The following LMX1B variants were observed in gnomAD, a reference collection of about 807,000 sequenced individuals.
LMX1B encodes the protein LIM homeobox transcription factor 1 beta.
In LMX1B, 12 loss-of-function variants were observed where a neutral mutation model predicts 51.4. The observed-to-expected ratio is 0.23, with a 90% confidence interval of 0.15 to 0.38. The LOEUF (loss-of-function observed/expected upper bound fraction) is 0.38, where lower values mean the gene tolerates loss of function less well. Among genes scored for constraint, LMX1B ranks in the 10% least tolerant of loss-of-function variants. LMX1B has a pLI of 1.00. For synonymous variants in LMX1B, 237 were observed against 235.4 expected, an observed-to-expected ratio of 1.01 and a Z score of -0.06; for missense variants, 445 against 571.1, an observed-to-expected ratio of 0.78 and a Z score of 2.25.
At chr9:126,624,650 G>A (rs1835484581) in intron 2 of LMX1B, among the ~76,000 whole-genome samples, 1 of 130,072 alleles carries the variant, frequency 7.7e-6, no homozygotes, top group African/African-American at 2.9e-5. Context: ...GCGAGTGGCA[G>A]GTTTTTTTTT....
intron 2 of LMX1B, among the ~76,000 whole-genome samples, chr9:126,632,982 C>A (rs943103179): frequency 6.6e-6 from 1 of 152,256 alleles, no homozygotes; most frequent in Non-Finnish European, 1.5e-5. Context: ...CCCCAGCTCA[C>A]CTGCCATTCC....
intron 2 of LMX1B, among the ~76,000 whole-genome samples, chr9:126,679,221 G>A (rs1416591574): frequency 1.3e-5 from 2 of 150,262 alleles, no homozygotes; most frequent in Non-Finnish European, 2.9e-5. Flanking sequence ...GCCCTTTCAG[G>A]AGGAACTGAG....
chr9:126,677,009 G>A lies in LMX1B; in HGVS notation c.327-13827G>A, dbSNP rs1836576109. Among the ~76,000 whole-genome samples, 2 of 152,206 alleles carry A rather than the reference G, an allele frequency of 1.3e-5. No homozygotes were observed. The highest frequency in any genetic ancestry group is 1.9e-4 in the East Asian group (1 of 5,196). ...ACTATGCTAATGCGGCCGGGCGGGC[G>A]GTGATTAAGCGGCTCAGGCAGGCAG... On this transcript the variant is annotated intron_variant, in intron 2 of 7. Coordinates refer to ENST00000373474, the MANE Select transcript of LMX1B (RefSeq NM_001174147.2). This position sits in a 1 kb window ranked among gnomAD's most constrained non-coding sequence, Gnocchi z 5.0.
intron 2 of LMX1B, among the ~76,000 whole-genome samples, chr9:126,666,108 T>C (rs1836338922): frequency 6.6e-6 from 1 of 152,200 alleles, no homozygotes. Context: ...CGGCCTATTT[T>C]ACAGATGGGA....
rs1835807644 is a variant in LMX1B at position 126,641,494 on chromosome 9, T to C, written c.326+25925T>C. 6.6e-6 allele frequency among the ~76,000 whole-genome samples: 1 copy of C among 152,156 alleles called. No individual in the cohort carries two copies. Among genetic ancestry groups the C allele is most frequent in the Non-Finnish European group, 1.5e-5 (1 of 68,026 alleles). ...CATGTCTGCATATCTTCATGGGCCC[T>C]GCACTTAGCCATGGTGCCTGATAGT... On this transcript the variant is annotated intron_variant, in intron 2 of 7. Coordinates refer to ENST00000373474, the MANE Select transcript of LMX1B (RefSeq NM_001174147.2). The surrounding 1 kb of genome is among the most constrained non-coding windows in gnomAD (Gnocchi z 4.1).
chr9:126,680,701 C>T (rs369754104), intron 2 of LMX1B, among the ~76,000 whole-genome samples: 12 of 152,100 alleles, frequency 7.9e-5, no homozygotes, highest in South Asian at 4.2e-4. Flanking sequence ...GCCGGGTAAA[C>T]GTTAGATGAA....
intron 2 of LMX1B, among the ~76,000 whole-genome samples, chr9:126,666,955 G>A (rs1836352134): frequency 6.6e-6 from 1 of 152,178 alleles, no homozygotes; most frequent in Non-Finnish European, 1.5e-5. Flanking sequence ...ACTGAGCTTA[G>A]GGCGAAATGA....
intron 2 of LMX1B, among the ~76,000 whole-genome samples, chr9:126,638,965 C>T (rs1835763136): frequency 6.6e-6 from 1 of 151,188 alleles, no homozygotes; most frequent in Non-Finnish European, 1.5e-5. Context: ...GGGCGGATAG[C>T]CGGGCTCTAG....
intron 2 of LMX1B, among the ~76,000 whole-genome samples, chr9:126,617,304 G>GCTCAGC (rs1835321474): frequency 6.6e-6 from 1 of 151,758 alleles, no homozygotes; most frequent in Non-Finnish European, 1.5e-5. Flanking sequence ...CTTACACCCA[G>GCTCAGC]CTCAGCCACC....
chr9:126,685,546 C>A (rs1283373368), intron 2 of LMX1B, among the ~76,000 whole-genome samples: 2 of 152,000 alleles, frequency 1.3e-5, no homozygotes, highest in African/African-American at 4.8e-5. Flanking sequence ...TAAGCTGTGG[C>A]GGAGGGGCTG....
chr9:126,619,277 C>A (rs1457019196), intron 2 of LMX1B, among the ~76,000 whole-genome samples: 2 of 152,198 alleles, frequency 1.3e-5, no homozygotes, highest in Admixed American at 1.3e-4. Flanking sequence ...GGGAGGCTCA[C>A]CTCTCCCCCC....
chr9:126,663,971 T>C (rs1255484722), intron 2 of LMX1B, among the ~76,000 whole-genome samples: 1 of 152,240 alleles, frequency 6.6e-6, no homozygotes, highest in East Asian at 1.9e-4. Context: ...CTCTTATCTC[T>C]GCCTGGTATT....
intron 2 of LMX1B, among the ~76,000 whole-genome samples, chr9:126,650,662 C>T (rs1282836091): frequency 6.6e-6 from 1 of 152,196 alleles, no homozygotes. Flanking sequence ...GCCCACCACT[C>T]AGGCCAGCCC....
intron 2 of LMX1B, among the ~76,000 whole-genome samples, chr9:126,617,834 C>T (rs887561040): frequency 1.4e-5 from 2 of 145,324 alleles, no homozygotes; most frequent in South Asian, 4.3e-4. Context: ...CAGTTCATTC[C>T]TCCACCCTCA....
Position 126,614,369 on chromosome 9 carries a change from G to A in LMX1B, c.-81G>A. ...GGGGGCCGCGCCTCCCCGGTTCCAG[G>A]GCCGCGGCGGCGGAGAGCGGGTGGA... On this transcript the variant is annotated 5_prime_UTR_variant, in exon 1 of 8. Coordinates refer to ENST00000373474, the MANE Select transcript of LMX1B (RefSeq NM_001174147.2). 9.1e-7 allele frequency: 1 copy of A among 1,103,670 alleles called. No individual in the cohort carries two copies. Among genetic ancestry groups the A allele is most frequent in the Admixed American group, 5.0e-5 (1 of 19,854 alleles). 68.4% of individuals were successfully genotyped at this position (1,103,670 alleles called of 1,614,324 possible).
intron 2 of LMX1B, among the ~76,000 whole-genome samples, chr9:126,637,957 G>T (rs1835743359): frequency 6.6e-6 from 1 of 151,858 alleles, no homozygotes; most frequent in African/African-American, 2.4e-5. Flanking sequence ...CTCCGACCAT[G>T]GGCCCTAAAC....
chr9:126,624,918 T>C (rs1457091960), intron 2 of LMX1B, among the ~76,000 whole-genome samples: 1 of 152,084 alleles, frequency 6.6e-6, no homozygotes, highest in Non-Finnish European at 1.5e-5. Flanking sequence ...GTCCGGCCAT[T>C]AAATGTAACT....
rs1473062818 is a variant in LMX1B at position 126,693,529 on chromosome 9, A to T, written c.747A>T (p.Arg249=). 2.5e-6 allele frequency: 4 copies of T among 1,614,016 alleles called. No individual in the cohort carries two copies. The highest frequency in any genetic ancestry group is 3.4e-6 in the Non-Finnish European group (4 of 1,179,962). The change falls in exon 5 of 8, where the codon CGA becomes CGT. Residue 249 remains arginine (R), a synonymous_variant. Transcript: ENST00000373474. ...TTCCCCTCTCTCTGAGCCAGGTCCG[A>T]GAGACACTGGCAGCTGAGACGGGCC... ...EVSSKPCRKV[R]ETLAAETGLS... is the part of the protein sequence containing the mutation.
intron 2 of LMX1B, among the ~76,000 whole-genome samples, chr9:126,654,750 C>G (rs774777835): frequency 6.6e-6 from 1 of 152,326 alleles, no homozygotes; most frequent in East Asian, 1.9e-4. Context: ...GAGCATGCCA[C>G]GGAGAGCCAG....
Sources: gnomAD v4.1 joint callset for allele counts (sites outside exome capture counted in the v4.1 genomes callset) on GRCh38, gnomAD v4.1.1 for gene constraint, Gnocchi (gnomAD v3.1) non-coding constraint, MANE v1.5 for transcripts, NCBI Gene and HGNC (gene_info 2026-07-23, HGNC 2026-07-21) for gene names.